The following PDE8B variants were observed in gnomAD, a reference collection of about 807,000 sequenced individuals.
PDE8B encodes phosphodiesterase 8B.
A neutral mutation model predicts 101.3 loss-of-function variants in PDE8B; 26 were observed. That is an observed-to-expected ratio of 0.26 (90% confidence interval 0.19 to 0.36). The LOEUF is 0.36. Ranked by LOEUF, PDE8B falls within the 10% of genes least tolerant of loss-of-function variation. The pLI is 1.00. For synonymous variants in PDE8B, 424 were observed against 429.3 expected, an observed-to-expected ratio of 0.99 and a Z score of 0.15; for missense variants, 810 against 1,163.1, an observed-to-expected ratio of 0.70 and a Z score of 4.42.
Position 77,400,282 on chromosome 5 carries a change from C to T in PDE8B, c.1202C>T (p.Ser401Phe). ...HKIHRDSGDN[S>F]QTEPHSFRYK... is the part of the protein sequence containing the mutation. ...ATTCATCGTGATTCAGGAGACAATTCTCAGACAGGTGAGAATACTTCAATT... is the reference window on the plus strand; with the variant it reads ...ATTCATCGTGATTCAGGAGACAATTTTCAGACAGGTGAGAATACTTCAATT... The change falls in exon 11 of 22, where the codon TCT becomes TTT. Residue 401 changes from serine (S) to phenylalanine (F), a missense_variant. Ser to Phe is a radical substitution (Grantham distance 155, BLOSUM62 -2). Coordinates refer to ENST00000264917, the MANE Select transcript of PDE8B (RefSeq NM_003719.5). 1 of 1,594,834 alleles carries T rather than the reference C, an allele frequency of 6.3e-7. No individual in the cohort carries two copies. The highest frequency in any genetic ancestry group is 8.6e-7 in the Non-Finnish European group (1 of 1,162,464).
the PDE8B span, among the ~76,000 whole-genome samples, chr5:77,133,544 C>T: frequency 6.6e-6 from 1 of 152,042 alleles, no homozygotes; most frequent in African/African-American, 2.4e-5. Flanking sequence ...AAATAAGTGG[C>T]ATTGGTTTGG....
rs546563482 is a variant in PDE8B at position 77,427,620 on chromosome 5, T to C, written c.*1066T>C. The C allele has an allele frequency of 3.3e-5, 5 of 152,278 alleles. No individual in the cohort carries two copies. The East Asian group carries it at 5.8e-4, about 18-fold the overall frequency. The allele number at this position is 152,278 out of a possible 1,614,324, so 9.4% of individuals were successfully genotyped here. Reference sequence around the variant, plus strand: ...ATGTTAAAATTGTGTGGTGTAAATATATCAGAAAATAGGCATATGGGGAGG... The same window carrying C: ...ATGTTAAAATTGTGTGGTGTAAATACATCAGAAAATAGGCATATGGGGAGG... On this transcript the variant is annotated 3_prime_UTR_variant, in exon 22 of 22. Coordinates refer to ENST00000264917, the MANE Select transcript of PDE8B (RefSeq NM_003719.5).
At chr5:77,152,824 C>T in the PDE8B span, among the ~76,000 whole-genome samples, 1 of 152,078 alleles carries the variant, frequency 6.6e-6, no homozygotes, top group Non-Finnish European at 1.5e-5. Flanking sequence ...CTTGAGAGGA[C>T]TGAGTCTTAG....
chr5:77,275,782 A>G (rs906136421), intron 1 of PDE8B, among the ~76,000 whole-genome samples: 2 of 152,210 alleles, frequency 1.3e-5, no homozygotes, highest in Non-Finnish European at 2.9e-5. Context: ...ATATTTCTTT[A>G]AATGTTGAAT....
chr5:77,312,116 T>C, intron 2 of PDE8B, 63 bp downstream of exon 2: 1 of 1,251,208 alleles, frequency 8.0e-7, no homozygotes, highest in Non-Finnish European at 1.2e-6. Context: ...TTTTTTTTTT[T>C]TTTTTGAGAT....
chr5:77,187,690 C>T, the PDE8B span, among the ~76,000 whole-genome samples: 2 of 152,196 alleles, frequency 1.3e-5, no homozygotes, highest in African/African-American at 4.8e-5. Context: ...TCTACTTTCT[C>T]CTACCCATAC....
At chr5:77,135,337 A>G in the PDE8B span, among the ~76,000 whole-genome samples, 1 of 152,226 alleles carries the variant, frequency 6.6e-6, no homozygotes. Flanking sequence ...TTGACATCTA[A>G]GAGGATCCAA....
intron 1 of PDE8B, among the ~76,000 whole-genome samples, chr5:77,229,696 G>A (rs777833280): frequency 6.6e-6 from 1 of 152,154 alleles, no homozygotes; most frequent in Non-Finnish European, 1.5e-5. Context: ...CATACAATAT[G>A]TAGGGTTTGT....
At chr5:77,420,354 T>C (rs1796374860) in intron 19 of PDE8B, among the ~76,000 whole-genome samples, 1 of 135,082 alleles carries the variant, frequency 7.4e-6, no homozygotes, top group Non-Finnish European at 1.7e-5. Context: ...GAAGCATTTA[T>C]TGTGTTTTCC....
intron 10 of PDE8B, among the ~76,000 whole-genome samples, chr5:77,359,924 C>T (rs1782785024): frequency 6.6e-6 from 1 of 151,956 alleles, no homozygotes. Flanking sequence ...GGTGAAACCC[C>T]GTCTCTACGA....
intron 1 of PDE8B, among the ~76,000 whole-genome samples, chr5:77,288,239 C>T (rs1561473886): frequency 6.6e-6 from 1 of 152,064 alleles, no homozygotes; most frequent in Admixed American, 6.6e-5. Flanking sequence ...TGCCAAGGTC[C>T]TCACTCTCTG....
chr5:77,230,049 G>A (rs1365766739), intron 1 of PDE8B, among the ~76,000 whole-genome samples: 4 of 152,122 alleles, frequency 2.6e-5, no homozygotes, highest in East Asian at 3.9e-4. Context: ...TTCTCTTCCC[G>A]CCAGCATGTA....
In PDE8B at chr5:77,426,688, A is replaced by C. The variant is rs1183877813; in HGVS notation, c.*134A>C. The C allele has an allele frequency of 2.9e-6, 2 of 690,956 alleles. No homozygotes were observed. The highest frequency in any genetic ancestry group is 2.2e-5 in the Admixed American group (1 of 45,306). 42.8% of individuals were successfully genotyped at this position (690,956 alleles called of 1,614,324 possible). A position where few individuals can be genotyped will look rare whatever the true frequency, so the allele number is the denominator to read the frequency against. The stretch of plus-strand genomic sequence containing the variant: ...GCTAATGTTTAATATTTGACCTTGA[A>C]TCATTCAAGTCCCCAAATTTCATTC... On this transcript the variant is annotated 3_prime_UTR_variant, in exon 22 of 22. Transcript: ENST00000264917.
chr5:77,383,796 T>C (rs55942650), intron 10 of PDE8B, among the ~76,000 whole-genome samples: 3,420 of 152,304 alleles, frequency 0.022, 82 homozygotes, highest in Non-Finnish European at 0.036. Flanking sequence ...GTTGTAGATA[T>C]GTAGTGTTAT....
intron 6 of PDE8B, among the ~76,000 whole-genome samples, chr5:77,342,950 A>G (rs1455023756): frequency 2.0e-5 from 3 of 152,154 alleles, no homozygotes; most frequent in Non-Finnish European, 4.4e-5. Flanking sequence ...CTCACATCCA[A>G]TTTGGGCCCA....
intron 6 of PDE8B, among the ~76,000 whole-genome samples, chr5:77,340,966 G>C (rs1038744248): frequency 6.6e-6 from 1 of 152,064 alleles, no homozygotes; most frequent in South Asian, 2.1e-4. Context: ...CCACAACTAG[G>C]TTACTTTTCC....
chr5:77,195,147 C>T, the PDE8B span, among the ~76,000 whole-genome samples: 1 of 152,212 alleles, frequency 6.6e-6, no homozygotes, highest in African/African-American at 2.4e-5. Context: ...AAGGTGCCTG[C>T]ATCCATTGAG....
intron 1 of PDE8B, among the ~76,000 whole-genome samples, chr5:77,238,298 G>C (rs768014616): frequency 5.9e-5 from 9 of 152,102 alleles, no homozygotes; most frequent in Admixed American, 4.6e-4. Context: ...TGGATAATTT[G>C]TATTGAATCA....
chr5:77,422,695 T>C (rs1796928554), intron 20 of PDE8B, among the ~76,000 whole-genome samples: 1 of 151,980 alleles, frequency 6.6e-6, no homozygotes, highest in Non-Finnish European at 1.5e-5. Flanking sequence ...CAGCCCTACT[T>C]CCAGAGAAGA....
Sources: gnomAD v4.1 joint callset for allele counts (sites outside exome capture counted in the v4.1 genomes callset) on GRCh38, gnomAD v4.1.1 for gene constraint, MANE v1.5 for transcripts, NCBI Gene and HGNC (gene_info 2026-07-23, HGNC 2026-07-21) for gene names.